Variants in KIRREL3 observed in about 807,000 individuals in gnomAD.
KIRREL3 encodes the protein kin of IRRE-like protein 3.
A neutral mutation model predicts 89.7 loss-of-function variants in KIRREL3; 36 were observed. The ratio of observed to expected loss-of-function variants is 0.40; its 90% CI spans 0.31 to 0.53. KIRREL3 has a LOEUF of 0.53. KIRREL3 is among the 20% of genes least tolerant of loss of function. KIRREL3 has a pLI of 0.49. For synonymous variants in KIRREL3, 445 were observed against 441.4 expected (o/e 1.01, Z -0.10); for missense variants, 864 against 1,056.6 (o/e 0.82, Z 2.53).
chr11:126,858,529 CCT>C (rs146468289), intron 1 of KIRREL3, among the ~76,000 whole-genome samples: 3 of 150,728 alleles, frequency 2.0e-5, no homozygotes, highest in East Asian at 1.9e-4. Context: ...CTCTTTTTCT[CCT>C]CTCTCTCTCT....
At chr11:126,961,377 AG>A (rs1949081793) in intron 1 of KIRREL3, among the ~76,000 whole-genome samples, 1 of 152,252 alleles carries the variant, frequency 6.6e-6, no homozygotes, top group Non-Finnish European at 1.5e-5. Context: ...ATAAATGACA[AG>A]AAAGCAAAAC....
intron 4 of KIRREL3, among the ~76,000 whole-genome samples, chr11:126,493,654 C>CAAAAAAAA (rs5795499): frequency 2.4e-5 from 2 of 82,228 alleles, no homozygotes; most frequent in Non-Finnish European, 4.3e-5. Flanking sequence ...GACTCTGTCT[C>CAAAAAAAA]AAAAAAAAAA....
chr11:126,852,427 C>T (rs1434230275), intron 1 of KIRREL3, among the ~76,000 whole-genome samples: 1 of 152,120 alleles, frequency 6.6e-6, no homozygotes, highest in East Asian at 1.9e-4. Context: ...CTCTCTTAAG[C>T]CCATTTGCAT....
rs550060992 is a variant in KIRREL3, at chr11:126,830,662, C to T, written c.55+169793G>A. Reference sequence around the variant, plus strand: ...ACAGGCAGGCACTTAGGAAGGTGTTCGTGCCAGACGCATTCATTGTCTAAC... The same window carrying T: ...ACAGGCAGGCACTTAGGAAGGTGTTTGTGCCAGACGCATTCATTGTCTAAC... On this transcript the variant is annotated intron_variant, in intron 1 of 16. Transcript: ENST00000525144. This position sits in a 1 kb window ranked among gnomAD's most constrained non-coding sequence, Gnocchi z 4.9. Among the ~76,000 whole-genome samples the T allele has an allele frequency of 5.3e-5, 8 of 152,250 alleles. No individual in the cohort carries two copies. In the South Asian group the frequency reaches 6.2e-4, roughly 12 times the overall value.
chr11:126,432,481 C>G lies in KIRREL3; in HGVS notation c.1589-955G>C, dbSNP rs984283382. ...GGGCAGGGAGAGCTTGGGGCTCTCA[C>G]TGAGGTCCGGAGAAGTCAAGTGATT... On this transcript the variant is annotated intron_variant, in intron 13 of 16. Transcript: ENST00000525144. The surrounding 1 kb of genome is among the most constrained non-coding windows in gnomAD (Gnocchi z 6.2). Among the ~76,000 whole-genome samples, 4 of 152,156 alleles carry G rather than the reference C, an allele frequency of 2.6e-5. No individual in the cohort carries two copies. Among genetic ancestry groups the G allele is most frequent in the African/African-American group, 9.7e-5 (4 of 41,426 alleles).
In KIRREL3 at chr11:126,563,121, T is replaced by C. The variant is rs1940254411; in HGVS notation, c.56-209A>G. ...ATTCTCATAACAACCCTGTGAAGGA[T>C]GTTTCCCCATTTTCTATCATCCCCA... On this transcript the variant is annotated intron_variant, in intron 1 of 16. Coordinates refer to ENST00000525144, the MANE Select transcript of KIRREL3 (RefSeq NM_032531.4). This position sits in a 1 kb window ranked among gnomAD's most constrained non-coding sequence, Gnocchi z 6.8. Among the ~76,000 whole-genome samples the C allele has an allele frequency of 6.6e-6, 1 of 152,232 alleles. No individual in the cohort carries two copies. Among genetic ancestry groups the C allele is most frequent in the Non-Finnish European group, 1.5e-5 (1 of 68,042 alleles).
Position 126,496,541 on chromosome 11 carries a change from G to A in KIRREL3, c.434-23075C>T, listed in dbSNP as rs757071813. On this transcript the variant is annotated intron_variant, in intron 4 of 16. Transcript: ENST00000525144. This position sits in a 1 kb window ranked among gnomAD's most constrained non-coding sequence, Gnocchi z 4.9. ...AATGAGAACCCAAGGTGTTGGCCAA[G>A]TTTGGAGGGAGGGGTGGGTGTGATG... is the stretch of plus-strand genomic sequence containing the variant. Among the ~76,000 whole-genome samples, 11 of 152,066 alleles carry A rather than the reference G, an allele frequency of 7.2e-5. No homozygotes were observed. Among genetic ancestry groups the A allele is most frequent in the Non-Finnish European group, 1.5e-4 (10 of 68,014 alleles).
At chr11:126,695,663 T>C (rs1055571394) in intron 1 of KIRREL3, among the ~76,000 whole-genome samples, 6 of 152,168 alleles carry the variant, frequency 3.9e-5, no homozygotes, top group Non-Finnish European at 8.8e-5. Context: ...AAGGGCCATC[T>C]GCCTGTGTCT....
intron 1 of KIRREL3, among the ~76,000 whole-genome samples, chr11:126,680,830 A>G (rs1946421570): frequency 6.6e-6 from 1 of 152,186 alleles, no homozygotes; most frequent in Non-Finnish European, 1.5e-5. Context: ...TAATTTGTAT[A>G]ATTAACCATT....
At chr11:126,801,544 G>A (rs1452642456) in intron 1 of KIRREL3, among the ~76,000 whole-genome samples, 1 of 152,184 alleles carries the variant, frequency 6.6e-6, no homozygotes, top group Admixed American at 6.5e-5. Context: ...TTAGCACCAG[G>A]ATGCAGTGCA....
rs530397775 is a variant in KIRREL3 at position 126,474,235 on chromosome 11, C to G, written c.434-769G>C. 6.6e-4 allele frequency among the ~76,000 whole-genome samples: 100 copies of G among 152,346 alleles called. No individual in the cohort carries two copies. Among genetic ancestry groups the G allele is most frequent in the African/African-American group, 2.3e-3 (97 of 41,572 alleles). ...AAGTGCTGGGATTACAGGCGTGAGC[C>G]ACGGCACCTGGCTTTTCTTTTTTCT... On this transcript the variant is annotated intron_variant, in intron 4 of 16. Coordinates refer to ENST00000525144, the MANE Select transcript of KIRREL3 (RefSeq NM_032531.4). The surrounding 1 kb of genome is among the most constrained non-coding windows in gnomAD (Gnocchi z 6.7).
In KIRREL3 at chr11:126,755,046, T is replaced by A. The variant is rs901360459; in HGVS notation, c.56-192134A>T. Among the ~76,000 whole-genome samples, 6 of 152,190 alleles carry A rather than the reference T, an allele frequency of 3.9e-5. No individual in the cohort carries two copies. Among genetic ancestry groups the A allele is most frequent in the African/African-American group, 1.4e-4 (6 of 41,452 alleles). ...TTAAATTGGGCCCAAGGAACCCAGA[T>A]AAGAGTATCTTAATCAAATAAAAAA... On this transcript the variant is annotated intron_variant, in intron 1 of 16. Coordinates refer to ENST00000525144, the MANE Select transcript of KIRREL3 (RefSeq NM_032531.4). This position sits in a 1 kb window ranked among gnomAD's most constrained non-coding sequence, Gnocchi z 4.3.
At chr11:126,840,762 C>T (rs565070222) in intron 1 of KIRREL3, among the ~76,000 whole-genome samples, 22 of 152,284 alleles carry the variant, frequency 1.4e-4, no homozygotes, top group Admixed American at 2.6e-4. Flanking sequence ...CACTCAGTAG[C>T]CCTCTGGGTT....
At chr11:126,901,807 A>G (rs1946383028) in intron 1 of KIRREL3, among the ~76,000 whole-genome samples, 1 of 152,214 alleles carries the variant, frequency 6.6e-6, no homozygotes, top group Non-Finnish European at 1.5e-5. Context: ...AATAATATTC[A>G]TGGCTCTGGA....
intron 1 of KIRREL3, among the ~76,000 whole-genome samples, chr11:126,662,742 C>T (rs1306265120): frequency 6.6e-6 from 1 of 152,086 alleles, no homozygotes; most frequent in Non-Finnish European, 1.5e-5. Context: ...CCAAAACATT[C>T]AAATCCTAGC....
At position 126,484,314 on chromosome 11, in the gene KIRREL3, G is replaced by A. The variant is rs1224772864; in HGVS notation, c.434-10848C>T. On this transcript the variant is annotated intron_variant, in intron 4 of 16. Transcript: ENST00000525144. The surrounding 1 kb of genome is among the most constrained non-coding windows in gnomAD (Gnocchi z 5.2). ...CTCCCATTGCCTAGTATGTTACCTT[G>A]GATGCAGTCATAAAAAAACAGCACC... Among the ~76,000 whole-genome samples, 1 of 152,102 alleles carries A rather than the reference G, an allele frequency of 6.6e-6. No homozygotes were observed. The highest frequency in any genetic ancestry group is 1.5e-5 in the Non-Finnish European group (1 of 68,032).
chr11:126,487,370 C>T (rs932025511), intron 4 of KIRREL3, among the ~76,000 whole-genome samples: 1 of 152,180 alleles, frequency 6.6e-6, no homozygotes, highest in East Asian at 1.9e-4. Flanking sequence ...GAGACACACA[C>T]AGTCCTTTGG....
intron 1 of KIRREL3, among the ~76,000 whole-genome samples, chr11:126,650,119 G>A (rs1342398843): frequency 4.6e-5 from 7 of 152,214 alleles, no homozygotes; most frequent in Admixed American, 1.3e-4. Flanking sequence ...GGGATGCAGG[G>A]CACCAAGTCC....
chr11:126,473,649 G>A (rs1303091476), intron 4 of KIRREL3, among the ~76,000 whole-genome samples, 183 bp from the exon 5 acceptor site: 1 of 152,184 alleles, frequency 6.6e-6, no homozygotes, highest in Non-Finnish European at 1.5e-5. Flanking sequence ...CATGTGCACT[G>A]CGTGCTTACA....
Sources: gnomAD v4.1 joint callset for allele counts (sites outside exome capture counted in the v4.1 genomes callset) on GRCh38, gnomAD v4.1.1 for gene constraint, Gnocchi (gnomAD v3.1) non-coding constraint, MANE v1.5 for transcripts, NCBI Gene and HGNC (gene_info 2026-07-23, HGNC 2026-07-21) for gene names.